Variants in DOCK4 observed in about 807,000 individuals in gnomAD.
DOCK4 encodes dedicator of cytokinesis protein 4.
Under a neutral mutation model 268.1 loss-of-function variants are expected in DOCK4, and 97 were observed. That is an observed-to-expected ratio of 0.36 (90% CI 0.31 to 0.43). The LOEUF (loss-of-function observed/expected upper bound fraction) is 0.43, where lower values mean the gene tolerates loss of function less well. Among genes scored for constraint, DOCK4 ranks in the 20% least tolerant of loss-of-function variants. The probability of loss-of-function intolerance (pLI) is 1.00; values close to 1 mark genes in which losing one functional copy is unlikely to be tolerated. For synonymous variants in DOCK4, 954 were observed against 887.2 expected (o/e 1.08, Z -1.34); for missense variants, 2,145 against 2,455.7 (o/e 0.87, Z 2.67).
intron 37 of DOCK4, 104 bp downstream of exon 37, chr7:111,769,425 A>T (rs1399653242): frequency 1.4e-6 from 2 of 1,395,498 alleles, no homozygotes; most frequent in Non-Finnish European, 2.0e-6. Context: ...AGATGTGAGG[A>T]TCCCTGCTTA....
At position 111,765,134 on chromosome 7, in the gene DOCK4, A is replaced by G. The variant is rs1235396068; in HGVS notation, c.4004T>C (p.Phe1335Ser). Residue 1335 changes from phenylalanine (F) to serine (S), a missense_variant, in exon 39 of 53, where the codon TTT becomes TCT. By Grantham distance (155) the Phe-to-Ser change is radical (BLOSUM62 -2). This residue lies in a region of DOCK4 where 1,598 missense variants were observed against 1,986.7 expected (regional missense o/e 0.80). Transcript: ENST00000428084. ...FFRVGFYGKKFPFFLRNKEFV... is the reference protein window; with the variant it reads ...FFRVGFYGKKSPFFLRNKEFV... ...ATTACTTACTCTTAAGAAAAATGGA[A>G]ATTTTTTTCCATAAAATCCAACTCT... The G allele has an allele frequency of 6.5e-7, 1 of 1,527,630 alleles. No homozygotes were observed. The highest frequency in any genetic ancestry group is 1.3e-5 in the South Asian group (1 of 77,390). 94.6% of individuals were successfully genotyped at this position (1,527,630 alleles called of 1,614,324 possible). A position where few individuals can be genotyped will look rare whatever the true frequency, so the allele number is the denominator to read the frequency against.
rs551170757 is a variant in DOCK4, at chr7:112,200,733, A to C, written c.37+5369T>G. 9.8e-3 allele frequency among the ~76,000 whole-genome samples: 1,155 copies of C among 117,780 alleles called. 30 individuals are homozygous for C. The highest frequency in any genetic ancestry group is 0.021 in the Middle Eastern group (5 of 236). 77.3% of individuals were successfully genotyped at this position (117,780 alleles called of 152,430 possible). ...CATAACAGCCTCTAAAATAAAAAAA[A>C]AAAAACAAAAAAAAACAAGATCATA... On this transcript the variant is annotated intron_variant, in intron 1 of 52. Transcript: ENST00000428084.
At chr7:112,201,018 T>C (rs977834606) in intron 1 of DOCK4, among the ~76,000 whole-genome samples, 20 of 152,228 alleles carry the variant, frequency 1.3e-4, no homozygotes, top group Non-Finnish European at 2.5e-4. Flanking sequence ...AAGCAGAACA[T>C]TATTATTTAG....
intron 8 of DOCK4, among the ~76,000 whole-genome samples, chr7:111,962,676 ACTTT>A (rs79900095): frequency 0.28 from 43,077 of 151,842 alleles, 7,433 homozygotes; most frequent in African/African-American, 0.5. Flanking sequence ...TGCATTCATT[ACTTT>A]CTTTTTCTTA....
chr7:111,870,325 T>G (rs1167415493), intron 20 of DOCK4, among the ~76,000 whole-genome samples: 4 of 144,686 alleles, frequency 2.8e-5, no homozygotes, highest in African/African-American at 7.7e-5. Context: ...TTTCTTTTCT[T>G]TTTTTTTTTT....
At chr7:112,100,169 T>G (rs1189037036) in intron 1 of DOCK4, among the ~76,000 whole-genome samples, 1 of 152,248 alleles carries the variant, frequency 6.6e-6, no homozygotes, top group African/African-American at 2.4e-5. Flanking sequence ...AAGCATTTCA[T>G]GTAACATTTT....
chr7:111,902,726 C>A (rs1475369084), intron 13 of DOCK4, among the ~76,000 whole-genome samples: 1 of 151,616 alleles, frequency 6.6e-6, no homozygotes, highest in Non-Finnish European at 1.5e-5. Context: ...ATATTTCAAA[C>A]ACTTGAAAAA....
chr7:112,041,790 A>T (rs78041493), intron 1 of DOCK4, among the ~76,000 whole-genome samples: 1 of 152,156 alleles, frequency 6.6e-6, no homozygotes. Flanking sequence ...CCATGACCCC[A>T]TCCCCCCACA....
intron 5 of DOCK4, 107 bp from the exon 6 acceptor site, chr7:111,989,270 T>G: frequency 6.9e-7 from 1 of 1,454,076 alleles, no homozygotes; most frequent in Admixed American, 1.9e-5. Flanking sequence ...CACTATGTGC[T>G]TGCCACTCTG....
rs1166707964 is a variant in DOCK4, at chr7:111,903,363, G to T, written c.1193-1562C>A. Among the ~76,000 whole-genome samples the T allele has an allele frequency of 2.0e-5, 3 of 152,128 alleles. No individual in the cohort carries two copies. The East Asian group carries it at 5.8e-4, about 29-fold the overall frequency. On this transcript the variant is annotated intron_variant, in intron 13 of 52. Transcript: ENST00000428084. Reference sequence around the variant, plus strand: ...ATACATTAGTGGAAACAATACAGAGGTCTCTGGCTTATGAATTTCTAGTAC... The same window carrying T: ...ATACATTAGTGGAAACAATACAGAGTTCTCTGGCTTATGAATTTCTAGTAC...
intron 8 of DOCK4, among the ~76,000 whole-genome samples, chr7:111,956,584 C>T (rs1796467779): frequency 2.0e-5 from 3 of 152,144 alleles, no homozygotes; most frequent in Non-Finnish European, 4.4e-5. Context: ...TTAAATATCT[C>T]CACAGGTAGT....
chr7:111,795,660 G>C (rs567330666), intron 30 of DOCK4, among the ~76,000 whole-genome samples: 1 of 152,256 alleles, frequency 6.6e-6, no homozygotes, highest in South Asian at 2.1e-4. Context: ...CTTCGACTTT[G>C]TCACATGTAA....
rs561932388 is a variant in DOCK4, at chr7:112,176,907, T to C, written c.37+29195A>G. Among the ~76,000 whole-genome samples, 3 of 152,352 alleles carry C rather than the reference T, an allele frequency of 2.0e-5. No homozygotes were observed. In the South Asian group the frequency reaches 6.2e-4, roughly 32 times the overall value. On this transcript the variant is annotated intron_variant, in intron 1 of 52. Transcript: ENST00000428084. ...ATTGCACAGATGTTGATCATCGACA[T>C]GTGAGAAGCCTTACCTACCATTTTC... is the stretch of plus-strand genomic sequence containing the variant.
chr7:112,200,269 G>A (rs1820797052), intron 1 of DOCK4, among the ~76,000 whole-genome samples: 1 of 152,176 alleles, frequency 6.6e-6, no homozygotes, highest in African/African-American at 2.4e-5. Flanking sequence ...TTAATTATAT[G>A]TGTGTGGGGT....
intron 17 of DOCK4, among the ~76,000 whole-genome samples, chr7:111,875,401 T>G (rs369475999): frequency 6.6e-6 from 1 of 152,210 alleles, no homozygotes; most frequent in Non-Finnish European, 1.5e-5. Flanking sequence ...ATTCAGTACA[T>G]AGGACCAAAT....
intron 7 of DOCK4, among the ~76,000 whole-genome samples, chr7:111,978,079 ACC>A (rs1798342948): frequency 6.6e-6 from 1 of 152,192 alleles, no homozygotes; most frequent in African/African-American, 2.4e-5. Flanking sequence ...TCTCCTATGT[ACC>A]AAGCCCTGGG....
chr7:111,935,550 G>A lies in DOCK4; in HGVS notation c.1056C>T (p.Gly352=), dbSNP rs767163976. 1.2e-5 allele frequency: 20 copies of A among 1,613,566 alleles called. No homozygotes were observed. The highest frequency in any genetic ancestry group is 8.3e-5 in the Admixed American group (5 of 59,960). The change falls in exon 12 of 53, where the codon GGC becomes GGT. Residue 352 remains glycine (G), a synonymous_variant. Transcript: ENST00000428084. The stretch of plus-strand genomic sequence containing the variant: ...AGCCCATACACTCACCTGCATTGGA[G>A]CCAGTCAAGTTATAACGTGCATTCA... ...KKLNARYNLT[G]SNAGLAVSLQ... is the part of the protein sequence containing the mutation.
intron 1 of DOCK4, among the ~76,000 whole-genome samples, chr7:112,163,949 T>A (rs908555351): frequency 6.6e-6 from 1 of 152,206 alleles, no homozygotes; most frequent in African/African-American, 2.4e-5. Context: ...ACCAAACACA[T>A]TTTAGTCCCT....
At position 111,822,974 on chromosome 7, in the gene DOCK4, T is replaced by C. The variant is rs115734475; in HGVS notation, c.2836-518A>G. Among the ~76,000 whole-genome samples, 913 of 152,262 alleles carry C rather than the reference T, an allele frequency of 6.0e-3. 9 individuals carry two copies. The highest frequency in any genetic ancestry group is 0.021 in the African/African-American group (860 of 41,544). ...GCAGTATTAATGGAATGTATGCAGGTTTATAGAATTTGAGTGAATTTTCCA... is the reference window on the plus strand; with the variant it reads ...GCAGTATTAATGGAATGTATGCAGGCTTATAGAATTTGAGTGAATTTTCCA... On this transcript the variant is annotated intron_variant, in intron 26 of 52. Transcript: ENST00000428084.
Sources: allele counts gnomAD v4.1 joint callset (sites outside exome capture counted in the v4.1 genomes callset), GRCh38; gene constraint gnomAD v4.1.1; regional missense constraint gnomAD v4.1.1; transcripts MANE v1.5; gene names NCBI Gene and HGNC (gene_info 2026-07-23, HGNC 2026-07-21).